Variants in PEAK1 observed in about 807,000 individuals in gnomAD.
PEAK1 encodes the protein pseudopodium enriched atypical kinase 1.
A neutral mutation model predicts 124.7 loss-of-function variants in PEAK1; 54 were observed. The ratio of observed to expected loss-of-function variants is 0.43; its 90% CI spans 0.35 to 0.54. The LOEUF (loss-of-function observed/expected upper bound fraction) is 0.54, where lower values mean the gene tolerates loss of function less well. Ranked by LOEUF, PEAK1 falls within the 20% of genes least tolerant of loss-of-function variation. PEAK1 has a pLI of 0.01. For missense variants in PEAK1, 2,046 were observed against 2,134.5 expected, an observed-to-expected ratio of 0.96 and a Z score of 0.82; for synonymous variants, 719 against 760.0, an observed-to-expected ratio of 0.95 and a Z score of 0.89.
intron 6 of PEAK1, among the ~76,000 whole-genome samples, chr15:77,243,734 C>A (rs149381466): frequency 0.014 from 2,177 of 152,270 alleles, 24 homozygotes; most frequent in Non-Finnish European, 0.023. Context: ...CTTTGGGAGG[C>A]TGAGGTGGGC....
intron 8 of PEAK1, among the ~76,000 whole-genome samples, chr15:77,149,456 AT>A (rs1384042700): frequency 6.6e-6 from 1 of 152,206 alleles, no homozygotes; most frequent in Non-Finnish European, 1.5e-5. Flanking sequence ...TAAACACACC[AT>A]TTTTAAAAGT....
intron 6 of PEAK1, among the ~76,000 whole-genome samples, chr15:77,220,747 T>G (rs765357290): frequency 5.9e-5 from 9 of 152,108 alleles, no homozygotes; most frequent in Non-Finnish European, 1.3e-4. Context: ...CGAATAAGTT[T>G]CCTCAGATAT....
At chr15:77,331,412 G>T (rs533601987) in intron 2 of PEAK1, among the ~76,000 whole-genome samples, 58 of 152,108 alleles carry the variant, frequency 3.8e-4, no homozygotes, top group African/African-American at 1.4e-3. Context: ...TTACAGGCAT[G>T]AGCCACCATG....
At chr15:77,198,138 CATACT>C (rs1244497528) in intron 6 of PEAK1, among the ~76,000 whole-genome samples, 1 of 152,060 alleles carries the variant, frequency 6.6e-6, no homozygotes, top group Non-Finnish European at 1.5e-5. Flanking sequence ...TATTATAATA[CATACT>C]ATACTACTGT....
chr15:77,142,790 T>C (rs1038633687), intron 8 of PEAK1, among the ~76,000 whole-genome samples: 5 of 152,064 alleles, frequency 3.3e-5, no homozygotes, highest in African/African-American at 1.2e-4. Context: ...TATAAAGGCA[T>C]AGAGACAGAA....
At chr15:77,160,648 C>T (rs999293968) in intron 7 of PEAK1, among the ~76,000 whole-genome samples, 8 of 152,078 alleles carry the variant, frequency 5.3e-5, no homozygotes, top group Non-Finnish European at 4.4e-5. Flanking sequence ...TGCGCTCCAG[C>T]CTAGCAACAG....
intron 2 of PEAK1, chr15:77,347,584 T>TA (rs574067665): frequency 5.6e-4 from 553 of 985,384 alleles, no homozygotes; most frequent in Non-Finnish European, 6.5e-4. Flanking sequence ...TTTGTCCTAA[T>TA]ACTTGTTTGA....
intron 6 of PEAK1, among the ~76,000 whole-genome samples, chr15:77,198,030 T>C (rs951100300): frequency 6.6e-6 from 1 of 152,188 alleles, no homozygotes; most frequent in Non-Finnish European, 1.5e-5. Flanking sequence ...ACAAATCTAT[T>C]ATAAAAAGTT....
rs2053096491 is a variant in PEAK1 at position 77,133,893 on chromosome 15, A to G, written c.3332-143T>C. The G allele has an allele frequency of 4.2e-6, 4 of 960,588 alleles. No homozygotes were observed. The highest frequency in any genetic ancestry group is 2.9e-6 in the Non-Finnish European group (2 of 678,784). 59.5% of individuals were successfully genotyped at this position (960,588 alleles called of 1,614,324 possible). Reference sequence around the variant, plus strand: ...ACTCTTTAGTTCAAAATGGGAAAAGAGAACAACCAAAGAACAAATACCTAA... The same window carrying G: ...ACTCTTTAGTTCAAAATGGGAAAAGGGAACAACCAAAGAACAAATACCTAA... On this transcript the variant is annotated intron_variant, in intron 8 of 9. Transcript: ENST00000682557. This position sits in a 1 kb window ranked among gnomAD's most constrained non-coding sequence, Gnocchi z 4.2.
At chr15:77,264,724 T>C (rs1453765108) in intron 5 of PEAK1, among the ~76,000 whole-genome samples, 2 of 152,058 alleles carry the variant, frequency 1.3e-5, no homozygotes, top group African/African-American at 4.8e-5. Flanking sequence ...AAGCTACCAA[T>C]GACTTTCTTC....
intron 7 of PEAK1, among the ~76,000 whole-genome samples, chr15:77,168,045 T>C (rs1328378720): frequency 5.3e-5 from 8 of 152,020 alleles, no homozygotes; most frequent in Admixed American, 3.9e-4. Flanking sequence ...GCTTCATCCA[T>C]GTCTCTACAA....
intron 1 of PEAK1, among the ~76,000 whole-genome samples, chr15:77,387,916 T>C (rs185430310): frequency 6.6e-6 from 1 of 152,320 alleles, no homozygotes; most frequent in Non-Finnish European, 1.5e-5. Context: ...ATGGCAGCCT[T>C]CTTGACAAAC....
intron 7 of PEAK1, among the ~76,000 whole-genome samples, chr15:77,169,979 T>C (rs969981852): frequency 1.3e-5 from 2 of 152,152 alleles, no homozygotes; most frequent in Admixed American, 6.5e-5. Context: ...CACATGATTC[T>C]TGGGGGAAGA....
intron 6 of PEAK1, among the ~76,000 whole-genome samples, chr15:77,226,080 T>TA (rs1426727862): frequency 7.2e-6 from 1 of 138,254 alleles, no homozygotes; most frequent in Admixed American, 7.3e-5. Flanking sequence ...TATATATATA[T>TA]ATATATATTA....
intron 6 of PEAK1, among the ~76,000 whole-genome samples, chr15:77,246,154 G>T (rs759181032): frequency 1.3e-5 from 2 of 151,862 alleles, no homozygotes; most frequent in African/African-American, 4.8e-5. Context: ...GACTACAGGC[G>T]CGTGCCACCA....
chr15:77,234,951 G>C (rs527741976), intron 6 of PEAK1, among the ~76,000 whole-genome samples: 2 of 152,098 alleles, frequency 1.3e-5, no homozygotes, highest in East Asian at 3.9e-4. Context: ...GATAGTGACT[G>C]AGTTCTCATG....
chr15:77,377,671 T>C (rs1460826141), intron 1 of PEAK1, among the ~76,000 whole-genome samples: 1 of 152,148 alleles, frequency 6.6e-6, no homozygotes. Flanking sequence ...GGTTTTACCA[T>C]GTTGGCCAGG....
intron 9 of PEAK1, among the ~76,000 whole-genome samples, chr15:77,132,695 CAAA>C (rs35561271): frequency 1.4e-4 from 14 of 100,324 alleles, no homozygotes; most frequent in Non-Finnish European, 1.3e-4. Flanking sequence ...AACTCCATCT[CAAA>C]AAAAAAAAAA....
chr15:77,385,841 C>T (rs1360769478), intron 1 of PEAK1, among the ~76,000 whole-genome samples: 1 of 152,122 alleles, frequency 6.6e-6, no homozygotes, highest in Non-Finnish European at 1.5e-5. Context: ...TAGTTAAAAG[C>T]ATTGGGAATT....
Sources: gnomAD v4.1 joint callset for allele counts (sites outside exome capture counted in the v4.1 genomes callset) on GRCh38, gnomAD v4.1.1 for gene constraint, Gnocchi (gnomAD v3.1) non-coding constraint, MANE v1.5 for transcripts, NCBI Gene and HGNC (gene_info 2026-07-23, HGNC 2026-07-21) for gene names.